Variants in SHANK2 observed in about 807,000 individuals in gnomAD.
SHANK2 encodes the protein SH3 and multiple ankyrin repeat domains 2.
A neutral mutation model predicts 133.7 loss-of-function variants in SHANK2; 43 were observed. That is an observed-to-expected ratio of 0.32 (90% confidence interval 0.25 to 0.41). The LOEUF (loss-of-function observed/expected upper bound fraction) is 0.41, where lower values mean the gene tolerates loss of function less well. SHANK2 is among the 10% of genes least tolerant of loss of function. The pLI, the probability that SHANK2 is intolerant of heterozygous loss-of-function variation, is 1.00. For missense variants in SHANK2, 1,994 were observed against 2,235.8 expected, an observed-to-expected ratio of 0.89 and a Z score of 2.18; for synonymous variants, 1,017 against 952.8, an observed-to-expected ratio of 1.07 and a Z score of -1.24.
chr11:70,825,425 G>C (rs1261416702), intron 11 of SHANK2, among the ~76,000 whole-genome samples: 1 of 152,164 alleles, frequency 6.6e-6, no homozygotes, highest in Non-Finnish European at 1.5e-5. Flanking sequence ...GGACTTAGAG[G>C]GGGGAAGAAT....
intron 17 of SHANK2, among the ~76,000 whole-genome samples, chr11:70,611,642 A>C (rs1260986721): frequency 1.3e-5 from 2 of 152,206 alleles, no homozygotes; most frequent in African/African-American, 4.8e-5. Flanking sequence ...AATTCAAACC[A>C]TGATTTCAAA....
chr11:70,870,399 C>T (rs1354533612), intron 11 of SHANK2, among the ~76,000 whole-genome samples: 8 of 152,088 alleles, frequency 5.3e-5, no homozygotes, highest in African/African-American at 1.9e-4. Context: ...CAGGAAAGAT[C>T]TAGGAAGGTT....
chr11:71,083,978 T>TGG (rs1303492988), intron 8 of SHANK2, among the ~76,000 whole-genome samples: 1,376 of 69,348 alleles, frequency 0.02, 15 homozygotes, highest in South Asian at 0.051. Context: ...CAACTTTTTT[T>TGG]TGGGGGGGGG....
In SHANK2 at chr11:70,504,375, G is replaced by A. The variant is rs529756281; in HGVS notation, c.2062-1444C>T. Among the ~76,000 whole-genome samples the A allele has an allele frequency of 1.1e-4, 17 of 152,324 alleles. No individual in the cohort carries two copies. In the South Asian group the frequency reaches 1.7e-3, roughly 15 times the overall value. On this transcript the variant is annotated intron_variant, in intron 17 of 25. Coordinates refer to ENST00000601538, the MANE Select transcript of SHANK2 (RefSeq NM_012309.5). ...GCCTGGCTCCCCATACTGTTGACAG[G>A]CCCAGGATGTGCCAGTTTTGGTCAC...
At chr11:70,645,126 G>A (rs975571240) in intron 17 of SHANK2, among the ~76,000 whole-genome samples, 2 of 152,098 alleles carry the variant, frequency 1.3e-5, no homozygotes, top group African/African-American at 4.8e-5. Context: ...CAGGAGAATC[G>A]CTTGAACCTG....
chr11:70,939,368 C>T (rs1303952152), intron 10 of SHANK2, among the ~76,000 whole-genome samples: 1 of 152,102 alleles, frequency 6.6e-6, no homozygotes. Context: ...GTCCCAGCTA[C>T]TCGGGAGGCT....
chr11:70,625,401 C>T (rs1357656459), intron 17 of SHANK2, among the ~76,000 whole-genome samples: 1 of 152,112 alleles, frequency 6.6e-6, no homozygotes, highest in Non-Finnish European at 1.5e-5. Flanking sequence ...TTCTGGAGGT[C>T]CAAGCTGATG....
chr11:71,065,712 T>G (rs1951044748), intron 9 of SHANK2, among the ~76,000 whole-genome samples: 8 of 51,534 alleles, frequency 1.6e-4, no homozygotes, highest in East Asian at 5.1e-4. Flanking sequence ...GAACAGTGAG[T>G]GGGGAAGTTG....
At position 71,221,125 on chromosome 11, in the gene SHANK2, C is replaced by T. The variant is rs371479156; in HGVS notation, c.-13+3572G>A. Among the ~76,000 whole-genome samples, 10 of 150,098 alleles carry T rather than the reference C, an allele frequency of 6.7e-5. No homozygotes were observed. The East Asian group carries it at 1.8e-3, about 26-fold the overall frequency. On this transcript the variant is annotated intron_variant, in intron 2 of 25. Coordinates refer to ENST00000601538, the MANE Select transcript of SHANK2 (RefSeq NM_012309.5). ...CTGAGGCAGGAGAATCGCTTGAGCC[C>T]GGGAGGCGGAGGTTGCAGTGAGCCG...
chr11:70,844,940 C>G (rs1948972711), intron 11 of SHANK2, among the ~76,000 whole-genome samples: 1 of 151,950 alleles, frequency 6.6e-6, no homozygotes. Flanking sequence ...GTGGCTCACA[C>G]CTGTAATCCC....
intron 10 of SHANK2, among the ~76,000 whole-genome samples, chr11:70,940,310 G>T (rs782810791): frequency 7.5e-6 from 1 of 133,562 alleles, no homozygotes; most frequent in South Asian, 2.6e-4. Context: ...GCAGTGGCGC[G>T]ATCTCGGCTT....
intron 15 of SHANK2, among the ~76,000 whole-genome samples, chr11:70,679,305 C>T (rs1944975058): frequency 6.6e-6 from 1 of 152,240 alleles, no homozygotes; most frequent in Admixed American, 6.5e-5. Context: ...GGTCACACAG[C>T]TGGCAAATGG....
intron 2 of SHANK2, among the ~76,000 whole-genome samples, chr11:71,167,250 T>C (rs1953172455): frequency 6.6e-6 from 1 of 152,206 alleles, no homozygotes; most frequent in Non-Finnish European, 1.5e-5. Flanking sequence ...CCCCCCTTTC[T>C]ATTCTACAAA....
intron 17 of SHANK2, among the ~76,000 whole-genome samples, chr11:70,514,046 A>T (rs1167272656): frequency 1.3e-5 from 2 of 152,194 alleles, no homozygotes; most frequent in African/African-American, 4.8e-5. Context: ...CAAAAAGATA[A>T]GTATTTAAAA....
At chr11:70,747,967 C>T (rs781937217) in intron 14 of SHANK2, among the ~76,000 whole-genome samples, 39 of 151,948 alleles carry the variant, frequency 2.6e-4, no homozygotes, top group Admixed American at 1.9e-3. Context: ...AAATATTAGA[C>T]GAAAAAAGAG....
intron 24 of SHANK2, chr11:70,489,010 T>G: frequency 2.7e-6 from 1 of 364,620 alleles, no homozygotes; most frequent in Non-Finnish European, 5.2e-6. Flanking sequence ...AGGGATTTCA[T>G]GTTGGGAGCA....
intron 13 of SHANK2, among the ~76,000 whole-genome samples, chr11:70,800,252 C>G (rs1555050208): frequency 6.6e-6 from 1 of 152,130 alleles, no homozygotes; most frequent in African/African-American, 2.4e-5. Context: ...TTTCAAAACC[C>G]TAAGCTCAAG....
chr11:70,536,955 T>A lies in SHANK2; in HGVS notation c.2062-34024A>T, dbSNP rs375012783. On this transcript the variant is annotated intron_variant, in intron 17 of 25. Coordinates refer to ENST00000601538, the MANE Select transcript of SHANK2 (RefSeq NM_012309.5). ...GGACAGAGCAGAGGACCCTTCTTAC[T>A]CCAGGAAATAAACAGCATTTTCTGA... is the stretch of plus-strand genomic sequence containing the variant. Among the ~76,000 whole-genome samples the A allele has an allele frequency of 2.6e-5, 4 of 151,824 alleles. No homozygotes were observed. The East Asian group carries it at 5.8e-4, about 22-fold the overall frequency.
intron 14 of SHANK2, among the ~76,000 whole-genome samples, chr11:70,793,392 C>T (rs782318828): frequency 9.2e-5 from 14 of 152,082 alleles, no homozygotes; most frequent in Non-Finnish European, 1.9e-4. Context: ...TGAGAGATGA[C>T]TGTAGTTAGA....
Sources: allele counts gnomAD v4.1 joint callset (sites outside exome capture counted in the v4.1 genomes callset), GRCh38; gene constraint gnomAD v4.1.1; transcripts MANE v1.5; gene names NCBI Gene and HGNC (gene_info 2026-07-23, HGNC 2026-07-21).